Variants in TBC1D14 observed in about 807,000 individuals in gnomAD.
TBC1D14 encodes TBC1 domain family, member 14.
TBC1D14 carries 26 observed loss-of-function variants against 79.0 expected under a neutral mutation model. That is an observed-to-expected ratio of 0.33 (90% CI 0.24 to 0.46). The LOEUF is 0.46. Among genes scored for constraint, TBC1D14 ranks in the 20% least tolerant of loss-of-function variants. TBC1D14 has a pLI of 1.00. For synonymous variants in TBC1D14, 394 were observed against 349.9 expected, an observed-to-expected ratio of 1.13 and a Z score of -1.40; for missense variants, 769 against 887.6, an observed-to-expected ratio of 0.87 and a Z score of 1.70.
chr4:7,010,572 G>T, intron 10 of TBC1D14, 81 bp from the exon 11 acceptor site: 11 of 1,526,818 alleles, frequency 7.2e-6, no homozygotes, highest in Non-Finnish European at 9.7e-6. Flanking sequence ...AGGGTGGTAG[G>T]TTTGTCTTTG....
At chr4:6,973,263 T>C (rs1716375482) in intron 3 of TBC1D14, among the ~76,000 whole-genome samples, 1 of 151,910 alleles carries the variant, frequency 6.6e-6, no homozygotes, top group South Asian at 2.1e-4. Context: ...AGTGACATTT[T>C]CTCTCCTCAC....
chr4:6,934,743 G>T (rs768227713), intron 2 of TBC1D14, among the ~76,000 whole-genome samples: 2 of 152,140 alleles, frequency 1.3e-5, no homozygotes, highest in Non-Finnish European at 2.9e-5. Context: ...AGCTGTTTTC[G>T]TGAAGTGGTG....
chr4:6,964,350 C>A (rs778693938), intron 2 of TBC1D14, among the ~76,000 whole-genome samples: 1 of 152,202 alleles, frequency 6.6e-6, no homozygotes, highest in Non-Finnish European at 1.5e-5. Flanking sequence ...CCATTCCTTA[C>A]ACCCTCTGCA....
chr4:7,009,640 T>G (rs1399149285), intron 9 of TBC1D14, among the ~76,000 whole-genome samples: 1 of 152,222 alleles, frequency 6.6e-6, no homozygotes, highest in African/African-American at 2.4e-5. Flanking sequence ...TGCTCCTGCC[T>G]GGCCCTCCAG....
rs1203039737 is a variant in TBC1D14, at chr4:7,032,859, G to C, written c.*2467G>C. On this transcript the variant is annotated 3_prime_UTR_variant, in exon 14 of 14. Coordinates refer to ENST00000409757, the MANE Select transcript of TBC1D14 (RefSeq NM_020773.3). ...ACCTTTGTCCAGCCTGCACAGTAGA[G>C]TGAGGCTGCCTCTCCCGCCAGGCAT... is the stretch of plus-strand genomic sequence containing the variant. 6.6e-6 allele frequency: 1 copy of C among 152,314 alleles called. No individual in the cohort carries two copies. The highest frequency in any genetic ancestry group is 2.4e-5 in the African/African-American group (1 of 41,458). The allele number at this position is 152,314 out of a possible 1,614,324, so 9.4% of individuals were successfully genotyped here.
chr4:6,933,427 C>T (rs899134894), intron 2 of TBC1D14, among the ~76,000 whole-genome samples: 1 of 151,290 alleles, frequency 6.6e-6, no homozygotes, highest in Admixed American at 6.6e-5. Flanking sequence ...ACCTCAGCCT[C>T]TGGAACAACT....
At chr4:6,977,293 G>GT (rs1373542032) in intron 3 of TBC1D14, among the ~76,000 whole-genome samples, 2 of 148,306 alleles carry the variant, frequency 1.3e-5, no homozygotes, top group East Asian at 4.0e-4. Flanking sequence ...ACTGGTTTTC[G>GT]TATTTTTTTG....
Position 6,999,268 on chromosome 4 carries a change from C to T in TBC1D14, c.1163+66C>T, listed in dbSNP as rs1320915391. 4.3e-6 allele frequency: 6 copies of T among 1,396,432 alleles called. No homozygotes were observed. In the African/African-American group the frequency reaches 5.7e-5, roughly 13 times the overall value. The allele number at this position is 1,396,432 out of a possible 1,614,324, so 86.5% of individuals were successfully genotyped here. A position where few individuals can be genotyped will look rare whatever the true frequency, so the allele number is the denominator to read the frequency against. On this transcript the variant is annotated intron_variant, in intron 6 of 13. Transcript: ENST00000409757. ...TCTTTCTAGAATCTGTGGGCCACAG[C>T]TGTAGTCGTCATAGCCAGCAGTGAC...
Position 6,923,518 on chromosome 4 carries a change from G to T in TBC1D14, c.129G>T (p.Ala43=). The T allele has an allele frequency of 6.2e-7, 1 of 1,614,146 alleles. No individual in the cohort carries two copies. Among genetic ancestry groups the T allele is most frequent in the Non-Finnish European group, 8.5e-7 (1 of 1,180,028 alleles). ...TCAAGGCGCCCCGACTCCTCTCCGCGCCTGAGTACGGGCCCAAGCTGAAAC... is the reference window on the plus strand; with the variant it reads ...TCAAGGCGCCCCGACTCCTCTCCGCTCCTGAGTACGGGCCCAAGCTGAAAC... ...VNLKAPRLLS[A]PEYGPKLKLR... is the part of the protein sequence containing the mutation. Residue 43 remains alanine (A), a synonymous_variant, in exon 2 of 14, where the codon GCG becomes GCT. Coordinates refer to ENST00000409757, the MANE Select transcript of TBC1D14 (RefSeq NM_020773.3).
At position 7,006,504 on chromosome 4, in the gene TBC1D14, T is replaced by C. The variant is rs999593710; in HGVS notation, c.1352-128T>C. ...TCTGAAGCTGCACTCTGAGTCAAGA[T>C]GTGATTAGGTCAGTGTGCTTCTGAA... On this transcript the variant is annotated intron_variant, in intron 8 of 13. Coordinates refer to ENST00000409757, the MANE Select transcript of TBC1D14 (RefSeq NM_020773.3). The C allele has an allele frequency of 1.1e-5, 7 of 641,422 alleles. No homozygotes were observed. The Admixed American group carries it at 1.8e-4, about 16-fold the overall frequency. The allele number at this position is 641,422 out of a possible 1,614,324, so 39.7% of individuals were successfully genotyped here. A position where few individuals can be genotyped will look rare whatever the true frequency, so the allele number is the denominator to read the frequency against.
At chr4:6,945,909 T>C (rs886123503) in intron 2 of TBC1D14, among the ~76,000 whole-genome samples, 4 of 152,076 alleles carry the variant, frequency 2.6e-5, no homozygotes, top group Non-Finnish European at 4.4e-5. Flanking sequence ...AATTAATATA[T>C]GCATTCTCCC....
intron 2 of TBC1D14, among the ~76,000 whole-genome samples, chr4:6,928,659 C>T (rs191417261): frequency 6.6e-5 from 10 of 152,294 alleles, no homozygotes; most frequent in Admixed American, 5.2e-4. Context: ...ATGGTGAAAC[C>T]TCATTTCTAC....
chr4:6,928,879 A>G (rs1342154189), intron 2 of TBC1D14, among the ~76,000 whole-genome samples: 2 of 152,210 alleles, frequency 1.3e-5, no homozygotes, highest in Admixed American at 6.5e-5. Context: ...CATGGGACGC[A>G]CTGGGCACAT....
chr4:6,929,232 T>C (rs1279279236), intron 2 of TBC1D14, among the ~76,000 whole-genome samples: 1 of 152,114 alleles, frequency 6.6e-6, no homozygotes, highest in Non-Finnish European at 1.5e-5. Context: ...AGTGTCCTTG[T>C]TTGCAGAATG....
chr4:7,026,824 G>A (rs533398943), intron 13 of TBC1D14, among the ~76,000 whole-genome samples: 1 of 152,144 alleles, frequency 6.6e-6, no homozygotes. Flanking sequence ...TTGAGCCTGG[G>A]AGGTCAAGGC....
Position 6,924,107 on chromosome 4 carries a change from G to A in TBC1D14, c.718G>A (p.Ala240Thr). ...KILGPFSNFF[A>T]RNLLARKQSA... The stretch of plus-strand genomic sequence containing the variant: ...ATTGGGGCCATTTAGTAACTTCTTT[G>A]CAAGGTAATGCCATCTTTGCCCTCT... The change falls in exon 2 of 14, where the codon GCA (alanine) becomes ACA (threonine). Residue 240 changes from alanine to threonine, a missense_variant. This residue lies in a region of TBC1D14 where 402 missense variants were observed against 393.2 expected (regional missense o/e 1.02). Transcript: ENST00000409757. 6.2e-7 allele frequency: 1 copy of A among 1,610,666 alleles called. No individual in the cohort carries two copies. Among genetic ancestry groups the A allele is most frequent in the Non-Finnish European group, 8.5e-7 (1 of 1,178,382 alleles).
At chr4:6,974,300 TTC>T (rs147071868) in intron 3 of TBC1D14, among the ~76,000 whole-genome samples, 43 of 152,188 alleles carry the variant, frequency 2.8e-4, no homozygotes, top group African/African-American at 1.0e-3. Context: ...CGATGCTTTA[TTC>T]TCTCTCTCTC....
rs749322594 is a variant in TBC1D14 at position 6,923,578 on chromosome 4, C to T, written c.189C>T (p.Ser63=). 55 of 1,614,120 alleles carry T rather than the reference C, an allele frequency of 3.4e-5. 3 individuals carry two copies. In the South Asian group the frequency reaches 4.6e-4, roughly 14 times the overall value. Residue 63 remains serine (S), a synonymous_variant, in exon 2 of 14, where the codon TCC becomes TCT. Transcript: ENST00000409757. ...RALEDRHSLQ[S]VDSGIPTLEI... ...TAGAAGACCGGCACAGCCTCCAGTC[C>T]GTGGACTCGGGGATTCCTACCCTGG... is the stretch of plus-strand genomic sequence containing the variant.
intron 1 of TBC1D14, chr4:6,910,525 C>G (rs1722893787): frequency 6.6e-6 from 1 of 152,388 alleles, no homozygotes; most frequent in African/African-American, 2.4e-5. Flanking sequence ...CTGCCTCCGC[C>G]TTGGAGCCTC....
Sources: allele counts gnomAD v4.1 joint callset (sites outside exome capture counted in the v4.1 genomes callset), GRCh38; gene constraint gnomAD v4.1.1; regional missense constraint gnomAD v4.1.1; transcripts MANE v1.5; gene names NCBI Gene and HGNC (gene_info 2026-07-23, HGNC 2026-07-21).